PRKD1: variants seen among roughly 807,000 people sequenced by gnomAD.
PRKD1 encodes protein kinase D1.
Under a neutral mutation model 95.9 loss-of-function variants are expected in PRKD1, and 63 were observed. The observed-to-expected ratio is 0.66, with a 90% confidence interval of 0.54 to 0.81. The LOEUF is 0.81. Among genes scored for constraint, PRKD1 ranks in the 30% least tolerant of loss-of-function variants. The probability of loss-of-function intolerance (pLI) is 0.00; values close to 1 mark genes in which losing one functional copy is unlikely to be tolerated. For synonymous variants in PRKD1, 425 were observed against 423.1 expected (o/e 1.00, Z -0.05); for missense variants, 1,048 against 1,165.3 (o/e 0.90, Z 1.47).
At chr14:29,756,408 T>C (rs1230650667) in intron 1 of PRKD1, among the ~76,000 whole-genome samples, 1 of 152,218 alleles carries the variant, frequency 6.6e-6, no homozygotes, top group African/African-American at 2.4e-5. Flanking sequence ...TGAGGTATTT[T>C]GTGTGTGCAT....
intron 1 of PRKD1, among the ~76,000 whole-genome samples, chr14:29,918,944 T>C (rs2139134554): frequency 6.6e-6 from 1 of 152,318 alleles, no homozygotes; most frequent in South Asian, 2.1e-4. Context: ...TCATTCATAT[T>C]TTCATTACTA....
intron 1 of PRKD1, among the ~76,000 whole-genome samples, chr14:29,906,614 A>C (rs906016703): frequency 9.9e-5 from 15 of 152,246 alleles, no homozygotes; most frequent in African/African-American, 3.1e-4. Context: ...AAAGTAACTA[A>C]GGTTATGAAT....
At chr14:29,871,726 A>C (rs1893115629) in intron 1 of PRKD1, among the ~76,000 whole-genome samples, 1 of 152,184 alleles carries the variant, frequency 6.6e-6, no homozygotes, top group African/African-American at 2.4e-5. Context: ...CATGGGTATG[A>C]GTATGATGGT....
chr14:29,815,501 G>T (rs192174888), intron 1 of PRKD1, among the ~76,000 whole-genome samples: 2 of 152,274 alleles, frequency 1.3e-5, no homozygotes, highest in African/African-American at 4.8e-5. Flanking sequence ...CAAAATGTGG[G>T]AGAAATTTAT....
At chr14:29,601,625 C>T (rs1334173284) in intron 13 of PRKD1, among the ~76,000 whole-genome samples, 2 of 152,170 alleles carry the variant, frequency 1.3e-5, no homozygotes, top group Non-Finnish European at 2.9e-5. Flanking sequence ...ATTATCAACC[C>T]TCTTACTTTA....
chr14:29,577,610 G>T (rs8010772), intron 17 of PRKD1, among the ~76,000 whole-genome samples, 154 bp from the exon 18 acceptor site: 72,294 of 151,918 alleles, frequency 0.48, 18,431 homozygotes, highest in Non-Finnish European at 0.59. Context: ...TGACAGTGTC[G>T]GCACCAAAGC....
chr14:29,649,070 G>A (rs1204559133), intron 4 of PRKD1, among the ~76,000 whole-genome samples: 1 of 152,184 alleles, frequency 6.6e-6, no homozygotes, highest in Non-Finnish European at 1.5e-5. Context: ...CTCTGCAGCT[G>A]CTGTAGTTGG....
At chr14:29,646,358 G>T (rs75460078) in intron 4 of PRKD1, among the ~76,000 whole-genome samples, 2,248 of 152,204 alleles carry the variant, frequency 0.015, 63 homozygotes, top group African/African-American at 0.05. Flanking sequence ...TAATTTAACT[G>T]TGTATTTTTA....
At chr14:29,739,219 A>T (rs530611657) in intron 1 of PRKD1, among the ~76,000 whole-genome samples, 5 of 152,198 alleles carry the variant, frequency 3.3e-5, no homozygotes, top group Non-Finnish European at 5.9e-5. Flanking sequence ...GAAACACAAA[A>T]GTCACTCCGG....
At chr14:29,862,684 A>G (rs754795307) in intron 1 of PRKD1, among the ~76,000 whole-genome samples, 3 of 152,152 alleles carry the variant, frequency 2.0e-5, no homozygotes, top group Non-Finnish European at 4.4e-5. Flanking sequence ...TACCTATTCC[A>G]ATCTTTCCCC....
At chr14:29,827,877 CTCT>C (rs1891258819) in intron 1 of PRKD1, among the ~76,000 whole-genome samples, 3 of 152,080 alleles carry the variant, frequency 2.0e-5, no homozygotes, top group African/African-American at 7.2e-5. Flanking sequence ...ACCCAGAGAG[CTCT>C]TCTTCTTCTG....
intron 2 of PRKD1, among the ~76,000 whole-genome samples, chr14:29,666,895 G>C (rs1236751872): frequency 6.6e-6 from 1 of 152,036 alleles, no homozygotes; most frequent in Non-Finnish European, 1.5e-5. Context: ...CATGTTGTAG[G>C]GAACTTTTTG....
At chr14:29,863,545 C>G (rs975996903) in intron 1 of PRKD1, among the ~76,000 whole-genome samples, 1 of 152,096 alleles carries the variant, frequency 6.6e-6, no homozygotes, top group African/African-American at 2.4e-5. Flanking sequence ...GACTTCTGGA[C>G]TCGATTTGGC....
chr14:29,916,405 T>C (rs1894889196), intron 1 of PRKD1, among the ~76,000 whole-genome samples: 1 of 152,214 alleles, frequency 6.6e-6, no homozygotes, highest in Non-Finnish European at 1.5e-5. Flanking sequence ...TCAGGTGCCA[T>C]AAGTCTCAGA....
intron 1 of PRKD1, among the ~76,000 whole-genome samples, chr14:29,885,932 G>A (rs1171720672): frequency 1.3e-5 from 2 of 151,482 alleles, no homozygotes; most frequent in Non-Finnish European, 2.9e-5. Flanking sequence ...GTACCACCAT[G>A]CTCCAGCCTG....
intron 1 of PRKD1, among the ~76,000 whole-genome samples, chr14:29,768,722 A>C (rs1363756277): frequency 2.0e-5 from 3 of 151,198 alleles, no homozygotes; most frequent in African/African-American, 7.3e-5. Flanking sequence ...AAAAAAAAAA[A>C]CAACCAAAGC....
chr14:29,622,914 A>G (rs1338535839), intron 13 of PRKD1, among the ~76,000 whole-genome samples: 1 of 152,210 alleles, frequency 6.6e-6, no homozygotes, highest in African/African-American at 2.4e-5. Flanking sequence ...TCCTGTACGC[A>G]TGCTAACTCT....
At position 29,923,246 on chromosome 14, in the gene PRKD1, A is replaced by C. The variant is rs928150468; in HGVS notation, c.264+4003T>G. Among the ~76,000 whole-genome samples the C allele has an allele frequency of 9.7e-3, 1,455 of 149,588 alleles. 7 individuals are homozygous for C. The highest frequency in any genetic ancestry group is 0.014 in the Non-Finnish European group (960 of 67,630). On this transcript the variant is annotated intron_variant, in intron 1 of 17. Coordinates refer to ENST00000331968, the MANE Select transcript of PRKD1 (RefSeq NM_002742.3). ...TTCTGTCAAAAAAAAAAAAAAAAAAACACACAGTAAAATGACAAATTCTAT... is the reference window on the plus strand; with the variant it reads ...TTCTGTCAAAAAAAAAAAAAAAAAACCACACAGTAAAATGACAAATTCTAT...
chr14:29,602,658 A>G lies in PRKD1; in HGVS notation c.1906-2841T>C, dbSNP rs149033106. ...TGGTCAGGATGGTGTCTAACTCCTG[A>G]CTTGAAGTGATCCGCCCACCTTGGC... On this transcript the variant is annotated intron_variant, in intron 13 of 17. Coordinates refer to ENST00000331968, the MANE Select transcript of PRKD1 (RefSeq NM_002742.3). 1.0e-3 allele frequency among the ~76,000 whole-genome samples: 159 copies of G among 151,976 alleles called. 1 individual carries two copies. Among genetic ancestry groups the G allele is most frequent in the African/African-American group, 3.3e-3 (136 of 41,444 alleles).
Sources: allele counts gnomAD v4.1 joint callset (sites outside exome capture counted in the v4.1 genomes callset), GRCh38; gene constraint gnomAD v4.1.1; transcripts MANE v1.5; gene names NCBI Gene and HGNC (gene_info 2026-07-23, HGNC 2026-07-21).